The following PDE4D variants were observed in gnomAD, a reference collection of about 807,000 sequenced individuals.
PDE4D encodes the protein phosphodiesterase 4D.
A neutral mutation model predicts 87.4 loss-of-function variants in PDE4D; 24 were observed. The ratio of observed to expected loss-of-function variants is 0.27; its 90% CI spans 0.20 to 0.39. PDE4D has a LOEUF of 0.39. Ranked by LOEUF, PDE4D falls within the 10% of genes least tolerant of loss-of-function variation. PDE4D has a pLI of 1.00. For synonymous variants in PDE4D, 384 were observed against 383.2 expected, an observed-to-expected ratio of 1.00 and a Z score of -0.02; for missense variants, 714 against 1,041.0, an observed-to-expected ratio of 0.69 and a Z score of 4.32.
intron 2 of PDE4D, among the ~76,000 whole-genome samples, chr5:60,128,643 T>C (rs1300008007): frequency 6.6e-6 from 1 of 152,180 alleles, no homozygotes; most frequent in Non-Finnish European, 1.5e-5. Context: ...AGAGATAAAC[T>C]TCAATTGTTT....
chr5:59,388,562 C>A (rs531511), intron 1 of PDE4D, among the ~76,000 whole-genome samples: 37,426 of 151,354 alleles, frequency 0.25, 4,951 homozygotes, highest in East Asian at 0.39. Context: ...GCATTATTTA[C>A]AATAGCAAAG....
rs138102811 is a variant in PDE4D at position 59,579,364 on chromosome 5, C to G, written c.455+313804G>C. Among the ~76,000 whole-genome samples the G allele has an allele frequency of 2.9e-3, 447 of 152,172 alleles. 12 individuals are homozygous for G. Among genetic ancestry groups the G allele is most frequent in the Admixed American group, 0.02 (303 of 15,286 alleles). ...ACCTGTTCCAATATAATTCACTAAC[C>G]ATGACATTTTTCAGTAACTCAGAAA... On this transcript the variant is annotated intron_variant, in intron 1 of 14. Coordinates refer to ENST00000340635, the MANE Select transcript of PDE4D (RefSeq NM_001104631.2).
chr5:60,283,518 T>G (rs1428975095), intron 1 of PDE4D, among the ~76,000 whole-genome samples: 1 of 152,182 alleles, frequency 6.6e-6, no homozygotes, highest in Non-Finnish European at 1.5e-5. Context: ...GTTTTTGGCA[T>G]TAAATGTTTT....
chr5:59,688,853 A>C (rs1750382303), intron 1 of PDE4D, among the ~76,000 whole-genome samples: 1 of 152,216 alleles, frequency 6.6e-6, no homozygotes, highest in Admixed American at 6.5e-5. Context: ...AGGGAGAAGA[A>C]TCAAATAGAC....
At chr5:60,206,442 T>C (rs1742537179) in intron 1 of PDE4D, among the ~76,000 whole-genome samples, 1 of 152,248 alleles carries the variant, frequency 6.6e-6, no homozygotes, top group Non-Finnish European at 1.5e-5. Flanking sequence ...TTCCCATGCT[T>C]TGTTTTGAAA....
chr5:59,712,393 CAT>C (rs5868190), intron 1 of PDE4D, among the ~76,000 whole-genome samples: 19,347 of 121,526 alleles, frequency 0.16, 1,370 homozygotes, highest in South Asian at 0.19. Flanking sequence ...TAATATTATT[CAT>C]ATATATATAT....
At chr5:59,987,319 T>C (rs1203088485) in intron 3 of PDE4D, 1 of 152,230 alleles carries the variant, frequency 6.6e-6, no homozygotes, top group East Asian at 1.9e-4. Context: ...GATCAATGTG[T>C]GTGCATTCTT....
chr5:60,418,751 G>A (rs912656392), intron 1 of PDE4D, among the ~76,000 whole-genome samples: 3 of 151,868 alleles, frequency 2.0e-5, no homozygotes, highest in Admixed American at 6.6e-5. Flanking sequence ...TTACACTCTC[G>A]GTTATTTTTA....
At chr5:59,664,046 CT>C in intron 1 of PDE4D, among the ~76,000 whole-genome samples, 1 of 152,260 alleles carries the variant, frequency 6.6e-6, no homozygotes, top group African/African-American at 2.4e-5. Flanking sequence ...TTCTGATTGG[CT>C]TTAGAAACAG....
At chr5:60,450,393 T>G (rs897217369) in intron 1 of PDE4D, among the ~76,000 whole-genome samples, 2 of 152,062 alleles carry the variant, frequency 1.3e-5, no homozygotes, top group South Asian at 2.1e-4. Flanking sequence ...ATATAATTAT[T>G]TAATTAACCT....
intron 1 of PDE4D, chr5:59,587,001 C>T: frequency 1.0e-6 from 1 of 985,408 alleles, no homozygotes; most frequent in Non-Finnish European, 1.2e-6. Context: ...ACTTCTTTCC[C>T]AGATTTCAGA....
intron 5 of PDE4D, among the ~76,000 whole-genome samples, chr5:59,175,392 T>C (rs1783654208): frequency 6.6e-6 from 1 of 151,774 alleles, no homozygotes; most frequent in South Asian, 2.1e-4. Context: ...CAAAAAAATG[T>C]CAGGCATTGG....
chr5:59,986,471 C>A (rs1226004917), intron 3 of PDE4D: 1 of 152,190 alleles, frequency 6.6e-6, no homozygotes. Context: ...TCATGGTTAG[C>A]AACCAAAATT....
upstream of PDE4D, among the ~76,000 whole-genome samples, chr5:59,894,420 A>G (rs1230697533): frequency 6.6e-6 from 1 of 152,180 alleles, no homozygotes; most frequent in African/African-American, 2.4e-5. Context: ...AAGATCCAAT[A>G]GTAAGATTAA....
intron 1 of PDE4D, among the ~76,000 whole-genome samples, chr5:59,252,030 G>A (rs1206074236): frequency 6.6e-6 from 1 of 152,094 alleles, no homozygotes; most frequent in East Asian, 1.9e-4. Context: ...TGATCAGGGA[G>A]GGTGGGAAGA....
chr5:59,758,948 G>C (rs1217280561), intron 1 of PDE4D, among the ~76,000 whole-genome samples: 1 of 152,008 alleles, frequency 6.6e-6, no homozygotes, highest in South Asian at 2.1e-4. Context: ...AGTCAAAAAG[G>C]TTGAATAACT....
Position 60,055,355 on chromosome 5 carries a change from G to A in PDE4D, c.43-66638C>T, listed in dbSNP as rs1364949342. Among the ~76,000 whole-genome samples the A allele has an allele frequency of 2.0e-5, 3 of 152,144 alleles. 1 individual carries two copies. The highest frequency in any genetic ancestry group is 7.2e-5 in the African/African-American group (3 of 41,532). On this transcript the variant is annotated intron_variant, in intron 2 of 16. Coordinates refer to the PDE4D transcript ENST00000502484. ...AGGAAAGAAAGTAAGTGGGGTCAAT[G>A]TCTCTTAGGTGTGCACACATCTCTG...
chr5:59,313,641 A>G (rs1773119028), intron 1 of PDE4D, among the ~76,000 whole-genome samples: 1 of 152,112 alleles, frequency 6.6e-6, no homozygotes, highest in Non-Finnish European at 1.5e-5. Context: ...ACAAACCTTA[A>G]CCTTCCTAGC....
intron 2 of PDE4D, among the ~76,000 whole-genome samples, chr5:60,104,174 C>G (rs1461385558): frequency 3.3e-5 from 5 of 152,172 alleles, no homozygotes; most frequent in Non-Finnish European, 5.9e-5. Context: ...GCGCTTTTCC[C>G]ACGGGCTAAA....
Sources: allele counts gnomAD v4.1 joint callset (sites outside exome capture counted in the v4.1 genomes callset), GRCh38; gene constraint gnomAD v4.1.1; transcripts MANE v1.5; gene names NCBI Gene and HGNC (gene_info 2026-07-23, HGNC 2026-07-21).